The following KMT2A variants were observed in gnomAD, a reference collection of about 807,000 sequenced individuals.
KMT2A encodes lysine methyltransferase 2A, also known as histone-lysine N-methyltransferase 2A.
A neutral mutation model predicts 345.3 loss-of-function variants in KMT2A; 16 were observed. The ratio of observed to expected loss-of-function variants is 0.05; its 90% CI spans 0.03 to 0.07. The LOEUF is 0.07. Ranked by LOEUF, KMT2A falls within the 10% of genes least tolerant of loss-of-function variation. The probability of loss-of-function intolerance (pLI) is 1.00; values close to 1 mark genes in which losing one functional copy is unlikely to be tolerated. For synonymous variants in KMT2A, 1,599 were observed against 1,778.6 expected (o/e 0.90, Z 2.54); for missense variants, 3,272 against 4,841.6 (o/e 0.68, Z 9.62).
At chr11:118,468,936 T>A (rs1949896184) in intron 2 of KMT2A, 92 bp downstream of exon 2, 2 of 921,694 alleles carry the variant, frequency 2.2e-6, no homozygotes, top group Admixed American at 1.9e-5. Flanking sequence ...AAGGATGCTC[T>A]ACCATACTTG....
At chr11:118,492,988 T>A in intron 15 of KMT2A, 69 bp from the exon 16 acceptor site, 2 of 1,228,548 alleles carry the variant, frequency 1.6e-6, no homozygotes, top group Non-Finnish European at 2.3e-6. Context: ...TTTATTAATT[T>A]TAATAGAATT....
chr11:118,438,508 G>A (rs1211783952), intron 1 of KMT2A, among the ~76,000 whole-genome samples: 1 of 133,618 alleles, frequency 7.5e-6, no homozygotes, highest in Admixed American at 8.1e-5. Context: ...GCGAAGGGGG[G>A]TAGGGGGTTG....
chr11:118,473,577 T>C lies in KMT2A; in HGVS notation c.2418T>C (p.Ser806=). ...FTFPSHSLTQ[S]GESAEKNQRP... ...TTCCTTCTCATTCCCTGACTCAGTC[T>C]GGGGAATCTGCAGAGAAAAATCAGA... Residue 806 remains serine, a synonymous_variant, in exon 3 of 36, where the codon TCT becomes TCC. Coordinates refer to ENST00000534358, the MANE Select transcript of KMT2A (RefSeq NM_001197104.2). The surrounding 1 kb of genome is among the most constrained non-coding windows in gnomAD (Gnocchi z 5.2). 6.2e-7 allele frequency: 1 copy of C among 1,614,112 alleles called. No individual in the cohort carries two copies. Among genetic ancestry groups the C allele is most frequent in the South Asian group, 1.1e-5 (1 of 91,084 alleles).
intron 1 of KMT2A, among the ~76,000 whole-genome samples, chr11:118,453,844 A>G (rs190767682): frequency 3.3e-4 from 50 of 152,356 alleles, no homozygotes; most frequent in Non-Finnish European, 2.9e-5. Context: ...CCTAATAGGT[A>G]TCTCTTACTT....
chr11:118,470,577 A>G (rs1385068571), intron 2 of KMT2A, among the ~76,000 whole-genome samples: 2 of 152,192 alleles, frequency 1.3e-5, no homozygotes, highest in African/African-American at 2.4e-5. Flanking sequence ...TGAATCCTTA[A>G]TCTATTAAAG....
rs1950034430 is a variant in KMT2A, at chr11:118,476,149, C to T, written c.3157-656C>T. ...CAAACTCCCGACCTCAGGTGATCTA[C>T]CCGCCTCGGCCTCCCAAAGTGCTGG... On this transcript the variant is annotated intron_variant, in intron 3 of 35. Coordinates refer to ENST00000534358, the MANE Select transcript of KMT2A (RefSeq NM_001197104.2). This position sits in a 1 kb window ranked among gnomAD's most constrained non-coding sequence, Gnocchi z 4.1. Among the ~76,000 whole-genome samples, 1 of 152,130 alleles carries T rather than the reference C, an allele frequency of 6.6e-6. No homozygotes were observed. Among genetic ancestry groups the T allele is most frequent in the Non-Finnish European group, 1.5e-5 (1 of 68,024 alleles).
intron 31 of KMT2A, 121 bp downstream of exon 31, chr11:118,512,146 A>G (rs1351451946): frequency 2.6e-6 from 2 of 760,202 alleles, no homozygotes; most frequent in East Asian, 5.2e-5. Flanking sequence ...AGCTTTATTG[A>G]GATTTAATTC....
In KMT2A at chr11:118,453,216, C is replaced by T. The variant is rs146970550; in HGVS notation, c.433-15559C>T. Among the ~76,000 whole-genome samples the T allele has an allele frequency of 5.3e-5, 8 of 152,306 alleles. No individual in the cohort carries two copies. In the East Asian group the frequency reaches 1.5e-3, roughly 29 times the overall value. The stretch of plus-strand genomic sequence containing the variant: ...GTGCTGTGTGTAATTGCTATTTCTA[C>T]TTTCTCACCTTTCATTCTTTCCTCA... On this transcript the variant is annotated intron_variant, in intron 1 of 35. Transcript: ENST00000534358.
intron 1 of KMT2A, among the ~76,000 whole-genome samples, chr11:118,447,206 C>T (rs1163382761): frequency 2.0e-5 from 3 of 152,100 alleles, no homozygotes; most frequent in Admixed American, 6.5e-5. Context: ...TACCTTATGT[C>T]GTGGTACTTT....
At chr11:118,477,498 CTTTTTT>C (rs11430367) in intron 4 of KMT2A, among the ~76,000 whole-genome samples, 3 of 56,926 alleles carry the variant, frequency 5.3e-5, no homozygotes, top group Admixed American at 3.2e-4. Context: ...AAGTTATTGG[CTTTTTT>C]TTTTTTTTTT....
intron 4 of KMT2A, among the ~76,000 whole-genome samples, chr11:118,477,498 CTTTTTTTTTTT>C (rs11430367): frequency 5.3e-5 from 3 of 56,944 alleles, no homozygotes; most frequent in South Asian, 7.2e-4. Context: ...AAGTTATTGG[CTTTTTTTTTTT>C]TTTTTTTTTT....
intron 1 of KMT2A, among the ~76,000 whole-genome samples, chr11:118,451,015 AAAAAGTACCTGC>A (rs1949524627): frequency 6.6e-6 from 1 of 152,218 alleles, no homozygotes; most frequent in African/African-American, 2.4e-5. Context: ...ACAAATAATG[AAAAAGTACCTGC>A]AAAGAGGCTC....
In KMT2A at chr11:118,490,255, C is replaced by T. The variant is rs534620846; in HGVS notation, c.4696+6C>T. On this transcript the variant is annotated splice_donor_region_variant and intron_variant, in intron 13 of 35. Transcript: ENST00000534358. This position sits in a 1 kb window ranked among gnomAD's most constrained non-coding sequence, Gnocchi z 4.2. ...CGCCAAGCTCTTTGCTAAAGGTACC[C>T]AAAAAAGCCAGTTTTGCCAGCTTTC... is the stretch of plus-strand genomic sequence containing the variant. The T allele has an allele frequency of 6.5e-7, 1 of 1,542,424 alleles. No homozygotes were observed. The highest frequency in any genetic ancestry group is 2.3e-5 in the East Asian group (1 of 43,268).
Position 118,510,852 on chromosome 11 carries a change from A to C in KMT2A, c.11071+734A>C, listed in dbSNP as rs1950673113. Among the ~76,000 whole-genome samples the C allele has an allele frequency of 6.6e-6, 1 of 152,224 alleles. No homozygotes were observed. The highest frequency in any genetic ancestry group is 1.5e-5 in the Non-Finnish European group (1 of 68,034). ...AAAAACCCATGAAGATAAATAGAAG[A>C]TTCTATTAAAGGAGAAAATGGAATT... is the stretch of plus-strand genomic sequence containing the variant. On this transcript the variant is annotated intron_variant, in intron 30 of 35. Coordinates refer to ENST00000534358, the MANE Select transcript of KMT2A (RefSeq NM_001197104.2). This position sits in a 1 kb window ranked among gnomAD's most constrained non-coding sequence, Gnocchi z 4.1.
intron 1 of KMT2A, among the ~76,000 whole-genome samples, chr11:118,467,013 T>C (rs1018310220): frequency 6.6e-6 from 1 of 151,772 alleles, no homozygotes; most frequent in African/African-American, 2.4e-5. Flanking sequence ...GAGCAAAATA[T>C]GTAATTAAAA....
rs1950196577 is a variant in KMT2A at position 118,484,513 on chromosome 11, C to T, written c.4218+199C>T. ...CACTGTTTGTGAACTGACTGCAGAA[C>T]ATACATAATGAAACATTCCTATCCA... On this transcript the variant is annotated intron_variant, in intron 9 of 35. Transcript: ENST00000534358. The surrounding 1 kb of genome is among the most constrained non-coding windows in gnomAD (Gnocchi z 4.1). Among the ~76,000 whole-genome samples, 1 of 152,156 alleles carries T rather than the reference C, an allele frequency of 6.6e-6. No individual in the cohort carries two copies. The highest frequency in any genetic ancestry group is 1.5e-5 in the Non-Finnish European group (1 of 68,024).
At chr11:118,513,645 G>A (rs1950737274) in intron 31 of KMT2A, among the ~76,000 whole-genome samples, 1 of 151,964 alleles carries the variant, frequency 6.6e-6, no homozygotes, top group Non-Finnish European at 1.5e-5. Context: ...CCCATAGCAT[G>A]AAAGGGTACT....
chr11:118,475,747 A>G (rs1950026406), intron 3 of KMT2A, among the ~76,000 whole-genome samples: 1 of 152,162 alleles, frequency 6.6e-6, no homozygotes, highest in African/African-American at 2.4e-5. Context: ...AATAAAATTA[A>G]TGTTATTCAA....
At chr11:118,460,212 T>C (rs1452805926) in intron 1 of KMT2A, among the ~76,000 whole-genome samples, 1 of 152,198 alleles carries the variant, frequency 6.6e-6, no homozygotes, top group Non-Finnish European at 1.5e-5. Context: ...AATGGAGATA[T>C]ACATTGCCAT....
Sources: allele counts gnomAD v4.1 joint callset (sites outside exome capture counted in the v4.1 genomes callset), GRCh38; gene constraint gnomAD v4.1.1; non-coding constraint Gnocchi (gnomAD v3.1); transcripts MANE v1.5; gene names NCBI Gene and HGNC (gene_info 2026-07-23, HGNC 2026-07-21).